Variants in ACSM2A observed in about 807,000 individuals in gnomAD.
ACSM2A encodes the protein acyl-coenzyme A synthetase ACSM2A, mitochondrial.
ACSM2A carries 72 observed loss-of-function variants against 76.6 expected under a neutral mutation model. The observed-to-expected ratio is 0.94, with a 90% confidence interval of 0.78 to 1.14. ACSM2A has a LOEUF of 1.14. ACSM2A is among the 50% of genes most tolerant of loss of function. The probability of loss-of-function intolerance (pLI) is 0.00; values close to 1 mark genes in which losing one functional copy is unlikely to be tolerated. For synonymous variants in ACSM2A, 249 were observed against 255.9 expected (o/e 0.97, Z 0.26); for missense variants, 684 against 708.5 (o/e 0.97, Z 0.39).
rs757378811 is a variant in ACSM2A at position 20,486,654 on chromosome 16, G to A, written c.1710G>A (p.Met570Ile). The change falls in exon 14 of 14, where the codon ATG (methionine) becomes ATA (isoleucine). Residue 570 changes from methionine (M) to isoleucine (I), a missense_variant. Physicochemically the swap from Met to Ile is conservative, Grantham distance 10 (BLOSUM62 1). This residue lies in a region of ACSM2A where 159 missense variants were observed against 132.5 expected (regional missense o/e 1.20). Transcript: ENST00000573854. ...RAKLRDKEWK[M>I]SGKARAQ Reference sequence around the variant, plus strand: ...AGCTTCGAGACAAGGAGTGGAAGATGTCCGGAAAAGCCCGTGCGCAGTGAG... The same window carrying A: ...AGCTTCGAGACAAGGAGTGGAAGATATCCGGAAAAGCCCGTGCGCAGTGAG... 6.2e-7 allele frequency: 1 copy of A among 1,614,196 alleles called. No individual in the cohort carries two copies. Among genetic ancestry groups the A allele is most frequent in the Non-Finnish European group, 8.5e-7 (1 of 1,180,026 alleles).
intron 13 of ACSM2A, among the ~76,000 whole-genome samples, chr16:20,485,155 T>C (rs970886256): frequency 1.3e-5 from 2 of 152,166 alleles, no homozygotes; most frequent in African/African-American, 4.8e-5. Context: ...AATAAACATT[T>C]AATAAGTATT....
Position 20,475,742 on chromosome 16 carries a change from A to G in ACSM2A, c.1067A>G (p.Asp356Gly). The G allele has an allele frequency of 6.2e-7, 1 of 1,614,036 alleles. No homozygotes were observed. The highest frequency in any genetic ancestry group is 8.5e-7 in the Non-Finnish European group (1 of 1,179,910). ...LENWRAQTGL[D>G]IRESYGQTET... is the part of the protein sequence containing the mutation. ...AACTGGAGGGCCCAGACAGGACTGG[A>G]CATCCGAGAATCCTATGGCCAGACA... is the stretch of plus-strand genomic sequence containing the variant. Residue 356 changes from aspartate to glycine, a missense_variant, in exon 8 of 14, where the codon GAC becomes GGC. This residue lies in a region of ACSM2A where 519 missense variants were observed against 549.5 expected (regional missense o/e 0.94). Transcript: ENST00000573854.
chr16:20,481,164 G>A (rs1414119156), intron 12 of ACSM2A: 2 of 516,886 alleles, frequency 3.9e-6, no homozygotes, highest in East Asian at 3.2e-5. Flanking sequence ...ACTTAAGTAT[G>A]GTGATTTCTA....
chr16:20,476,412 C>T (rs573914949), intron 8 of ACSM2A: 1 of 985,662 alleles, frequency 1.0e-6, no homozygotes, highest in Admixed American at 6.1e-5. Context: ...TTCCTCTCCA[C>T]TCTCTTACCC....
At chr16:20,472,138 C>G (rs1341722951) in intron 6 of ACSM2A, among the ~76,000 whole-genome samples, 1 of 152,110 alleles carries the variant, frequency 6.6e-6, no homozygotes, top group Non-Finnish European at 1.5e-5. Flanking sequence ...ACACAGAGTG[C>G]CACCATCCTA....
intron 1 of ACSM2A, among the ~76,000 whole-genome samples, chr16:20,458,355 T>C (rs1165498939): frequency 6.8e-6 from 1 of 147,258 alleles, no homozygotes; most frequent in Non-Finnish European, 1.5e-5. Context: ...ATATATCTAA[T>C]ATATCTAGAT....
At position 20,471,565 on chromosome 16, in the gene ACSM2A, T is replaced by C; in HGVS notation, c.770T>C (p.Met257Thr). 1.2e-6 allele frequency: 2 copies of C among 1,613,984 alleles called. No homozygotes were observed. Among genetic ancestry groups the C allele is most frequent in the Non-Finnish European group, 1.7e-6 (2 of 1,179,910 alleles). Residue 257 changes from methionine (M) to threonine (T), a missense_variant, in exon 6 of 14, where the codon ATG (methionine) becomes ACG (threonine). Met to Thr is a moderately conservative substitution (Grantham distance 81, BLOSUM62 -1). This residue lies in a region of ACSM2A where 519 missense variants were observed against 549.5 expected (regional missense o/e 0.94). Coordinates refer to ENST00000573854, the MANE Select transcript of ACSM2A (RefSeq NM_001308172.2). ...ACAGGCCTGCAAGCCTCTGATATAA[T>C]GTGGACCATATCAGACACAGGTTGG... ...GWTGLQASDIMWTISDTGWIL... is the reference protein window; with the variant it reads ...GWTGLQASDITWTISDTGWIL...
intron 13 of ACSM2A, among the ~76,000 whole-genome samples, chr16:20,485,545 C>G (rs1450560194): frequency 1.3e-5 from 2 of 152,210 alleles, no homozygotes; most frequent in Non-Finnish European, 2.9e-5. Flanking sequence ...CTCAACTTTG[C>G]CCATGCAATG....
In ACSM2A at chr16:20,471,110, A is replaced by T. The variant is rs369585321; in HGVS notation, c.634A>T (p.Ser212Cys). 6.2e-7 allele frequency: 1 copy of T among 1,613,688 alleles called. No individual in the cohort carries two copies. Among genetic ancestry groups the T allele is most frequent in the Admixed American group, 1.7e-5 (1 of 60,002 alleles). Reference sequence around the variant, plus strand: ...CACTCATCACTGTGTGGAGACTGGAAGCCAGGAAGCATCTGCCATCTACTT... The same window carrying T: ...CACTCATCACTGTGTGGAGACTGGATGCCAGGAAGCATCTGCCATCTACTT... ...STTHHCVETG[S>C]QEASAIYFTS... The change falls in exon 5 of 14, where the codon AGC becomes TGC. Residue 212 changes from serine (S) to cysteine (C), a missense_variant. This residue lies in a region of ACSM2A where 519 missense variants were observed against 549.5 expected (regional missense o/e 0.94). Coordinates refer to ENST00000573854, the MANE Select transcript of ACSM2A (RefSeq NM_001308172.2).
At chr16:20,463,620 C>T (rs991443755) in intron 2 of ACSM2A, among the ~76,000 whole-genome samples, 2 of 152,136 alleles carry the variant, frequency 1.3e-5, no homozygotes, top group Non-Finnish European at 2.9e-5. Context: ...TCACCAGAAG[C>T]AGATGCCAGC....
At chr16:20,481,177 A>G in intron 12 of ACSM2A, 1 of 501,044 alleles carries the variant, frequency 2.0e-6, no homozygotes, top group Non-Finnish European at 3.5e-6. Flanking sequence ...GATTTCTAAA[A>G]AAACTAAACA....
At chr16:20,468,134 T>C (rs2013127734) in intron 3 of ACSM2A, among the ~76,000 whole-genome samples, 1 of 152,100 alleles carries the variant, frequency 6.6e-6, no homozygotes. Context: ...ACTGAAATTA[T>C]AGCCAGAAGG....
intron 8 of ACSM2A, chr16:20,477,054 A>G (rs532475270): frequency 3.7e-6 from 1 of 271,098 alleles, no homozygotes; most frequent in East Asian, 8.6e-5. Flanking sequence ...GATCCCATAT[A>G]GTTTGAAAGG....
At chr16:20,474,550 A>G (rs1336026644) in intron 6 of ACSM2A, among the ~76,000 whole-genome samples, 1 of 152,188 alleles carries the variant, frequency 6.6e-6, no homozygotes, top group Admixed American at 6.5e-5. Context: ...TTTCTTCATA[A>G]ATTACTCAGT....
intron 2 of ACSM2A, among the ~76,000 whole-genome samples, chr16:20,462,008 G>A (rs1287578227): frequency 6.6e-6 from 1 of 152,166 alleles, no homozygotes; most frequent in African/African-American, 2.4e-5. Context: ...GTTTGTTTCT[G>A]GGTGAGGCAG....
chr16:20,484,593 C>T (rs1292485047), intron 13 of ACSM2A, among the ~76,000 whole-genome samples: 1 of 140,050 alleles, frequency 7.1e-6, no homozygotes, highest in African/African-American at 2.7e-5. Flanking sequence ...GAATCAACCC[C>T]TGGGGGAAGG....
At chr16:20,476,563 G>A (rs1596669521) in intron 8 of ACSM2A, 1 of 985,348 alleles carries the variant, frequency 1.0e-6, no homozygotes, top group Non-Finnish European at 1.2e-6. Context: ...ACCCTGGCAG[G>A]GGCCTCCCAC....
intron 1 of ACSM2A, among the ~76,000 whole-genome samples, chr16:20,455,137 G>A (rs1302112568): frequency 6.7e-6 from 1 of 149,920 alleles, no homozygotes; most frequent in Non-Finnish European, 1.5e-5. Context: ...CCTCCAAGAA[G>A]TTTGGGATTG....
intron 8 of ACSM2A, chr16:20,476,350 C>T: frequency 1.0e-6 from 1 of 980,702 alleles, no homozygotes; most frequent in Non-Finnish European, 1.2e-6. Context: ...CCCAACTCTT[C>T]TTCTCCTTTT....
Sources: gnomAD v4.1 joint callset for allele counts (sites outside exome capture counted in the v4.1 genomes callset) on GRCh38, gnomAD v4.1.1 for gene constraint, gnomAD v4.1.1 regional missense constraint, MANE v1.5 for transcripts, NCBI Gene and HGNC (gene_info 2026-07-23, HGNC 2026-07-21) for gene names.